CDH13: variants seen among roughly 807,000 people sequenced by gnomAD.
CDH13 encodes the protein cadherin-13.
Under a neutral mutation model 63.8 loss-of-function variants are expected in CDH13, and 24 were observed. The observed-to-expected ratio is 0.38, with a 90% CI of 0.27 to 0.53. The LOEUF (loss-of-function observed/expected upper bound fraction) is 0.53. Among genes scored for constraint, CDH13 ranks in the 20% least tolerant of loss-of-function variants. The pLI is 0.85. For synonymous variants in CDH13, 503 were observed against 355.3 expected, an observed-to-expected ratio of 1.42 and a Z score of -4.67; for missense variants, 1,049 against 903.1, an observed-to-expected ratio of 1.16 and a Z score of -2.07.
chr16:83,286,712 T>C (rs1276025151), intron 5 of CDH13, among the ~76,000 whole-genome samples: 1 of 149,422 alleles, frequency 6.7e-6, no homozygotes, highest in Non-Finnish European at 1.5e-5. Flanking sequence ...ACCAAGATGG[T>C]ACTACTGTAT....
At chr16:83,270,737 G>A (rs930443913) in intron 5 of CDH13, among the ~76,000 whole-genome samples, 10 of 152,058 alleles carry the variant, frequency 6.6e-5, no homozygotes, top group Non-Finnish European at 1.0e-4. Context: ...CCTCCCAGAC[G>A]TGTTTTCTCA....
At position 83,516,542 on chromosome 16, in the gene CDH13, T is replaced by C. The variant is rs1314303472; in HGVS notation, c.960+29887T>C. ...CTCTACAGTATGACTTATAGACTGC[T>C]TCAAAGGAGAGGTGTCTTCTCTTCC... is the stretch of plus-strand genomic sequence containing the variant. On this transcript the variant is annotated intron_variant, in intron 7 of 13. Coordinates refer to ENST00000567109, the MANE Select transcript of CDH13 (RefSeq NM_001257.5). Among the ~76,000 whole-genome samples the C allele has an allele frequency of 2.0e-5, 3 of 152,204 alleles. No individual in the cohort carries two copies. In the East Asian group the frequency reaches 5.8e-4, roughly 29 times the overall value.
chr16:82,897,734 G>T (rs552239633), intron 2 of CDH13, among the ~76,000 whole-genome samples: 1 of 152,258 alleles, frequency 6.6e-6, no homozygotes, highest in African/African-American at 2.4e-5. Context: ...ACTCTGCCCT[G>T]CTGAGTAGAG....
chr16:83,258,892 T>G (rs1906623812), intron 5 of CDH13, among the ~76,000 whole-genome samples: 1 of 152,228 alleles, frequency 6.6e-6, no homozygotes, highest in Non-Finnish European at 1.5e-5. Context: ...TCTGAAGGAT[T>G]CATTCCACAT....
intron 5 of CDH13, among the ~76,000 whole-genome samples, chr16:83,221,905 A>G (rs142385263): frequency 7.9e-5 from 12 of 152,330 alleles, no homozygotes; most frequent in African/African-American, 2.9e-4. Flanking sequence ...TAGATCCCTG[A>G]CATACACAGA....
intron 7 of CDH13, among the ~76,000 whole-genome samples, chr16:83,517,011 A>C (rs1037723419): frequency 4.6e-5 from 7 of 152,166 alleles, no homozygotes; most frequent in African/African-American, 1.7e-4. Flanking sequence ...GTAGTTAAAA[A>C]CTGAAAAAAG....
At chr16:83,781,621 C>T (rs1442013215) in intron 12 of CDH13, among the ~76,000 whole-genome samples, 1 of 151,886 alleles carries the variant, frequency 6.6e-6, no homozygotes, top group African/African-American at 2.4e-5. Context: ...ATAATGAATT[C>T]TGTTATACTG....
intron 5 of CDH13, among the ~76,000 whole-genome samples, chr16:83,246,763 T>C (rs947026076): frequency 8.5e-5 from 13 of 152,202 alleles, no homozygotes; most frequent in African/African-American, 2.9e-4. Context: ...AATCACTTCC[T>C]TGCTGAAACC....
chr16:83,605,589 A>G (rs1054945849), intron 8 of CDH13, among the ~76,000 whole-genome samples: 18 of 152,164 alleles, frequency 1.2e-4, no homozygotes, highest in African/African-American at 4.3e-4. Context: ...TAATGACTAA[A>G]AGAACCTAGA....
intron 1 of CDH13, among the ~76,000 whole-genome samples, chr16:82,856,247 G>A (rs2039680748): frequency 1.3e-5 from 2 of 151,686 alleles, no homozygotes; most frequent in African/African-American, 4.8e-5. Flanking sequence ...ATGGTGGCGG[G>A]CGCCTGTAGT....
chr16:83,260,547 C>T (rs1355221323), intron 5 of CDH13, among the ~76,000 whole-genome samples: 2 of 152,190 alleles, frequency 1.3e-5, no homozygotes, highest in East Asian at 3.9e-4. Flanking sequence ...CAACTCTGTG[C>T]ATCGGAATCA....
At chr16:83,048,166 G>A (rs144986720) in intron 3 of CDH13, among the ~76,000 whole-genome samples, 73 of 152,268 alleles carry the variant, frequency 4.8e-4, no homozygotes, top group African/African-American at 1.7e-3. Flanking sequence ...TTTCATCTCA[G>A]TGATGGAGAC....
chr16:83,532,284 T>A (rs2075099169), intron 7 of CDH13, among the ~76,000 whole-genome samples: 1 of 152,156 alleles, frequency 6.6e-6, no homozygotes, highest in Non-Finnish European at 1.5e-5. Flanking sequence ...AGTGTAGAAG[T>A]CACTCCTCAA....
At chr16:83,591,378 T>C (rs762428615) in intron 7 of CDH13, among the ~76,000 whole-genome samples, 1 of 152,244 alleles carries the variant, frequency 6.6e-6, no homozygotes, top group Non-Finnish European at 1.5e-5. Flanking sequence ...TGTTACAATC[T>C]GTACTTCCTT....
Position 83,280,913 on chromosome 16 carries a change from C to G in CDH13, c.636+63416C>G, listed in dbSNP as rs149467837. 1.7e-3 allele frequency among the ~76,000 whole-genome samples: 252 copies of G among 152,270 alleles called. 1 individual carries two copies. The highest frequency in any genetic ancestry group is 5.7e-3 in the African/African-American group (237 of 41,560). On this transcript the variant is annotated intron_variant, in intron 5 of 13. Coordinates refer to ENST00000567109, the MANE Select transcript of CDH13 (RefSeq NM_001257.5). ...GAGCAGTAAGTCTGAGCAGTGGGCT[C>G]AAAATATTCAGTAAACTATGGTGTT... is the stretch of plus-strand genomic sequence containing the variant.
At chr16:83,322,838 A>T (rs17210298) in intron 5 of CDH13, among the ~76,000 whole-genome samples, 1 of 152,144 alleles carries the variant, frequency 6.6e-6, no homozygotes, top group African/African-American at 2.4e-5. Flanking sequence ...GTTCACAACA[A>T]TGATTCCAAG....
At chr16:82,731,696 GA>G (rs1194603542) in intron 1 of CDH13, among the ~76,000 whole-genome samples, 2 of 152,106 alleles carry the variant, frequency 1.3e-5, no homozygotes, top group Admixed American at 6.5e-5. Context: ...TAAGAGTTTG[GA>G]AAAAAATCAA....
intron 7 of CDH13, among the ~76,000 whole-genome samples, chr16:83,565,383 C>CTTTTTTTTTTTT (rs369127310): frequency 2.3e-5 from 3 of 130,608 alleles, no homozygotes; most frequent in Non-Finnish European, 3.1e-5. Context: ...TTCCACTGTT[C>CTTTTTTTTTTTT]TTTTTTTTTT....
intron 4 of CDH13, among the ~76,000 whole-genome samples, chr16:83,144,256 G>T (rs1204912993): frequency 2.6e-5 from 4 of 152,106 alleles, no homozygotes; most frequent in Non-Finnish European, 5.9e-5. Context: ...GATAGTCAAG[G>T]CACCTTTTGT....
Sources: gnomAD v4.1 joint callset for allele counts (sites outside exome capture counted in the v4.1 genomes callset) on GRCh38, gnomAD v4.1.1 for gene constraint, MANE v1.5 for transcripts, NCBI Gene and HGNC (gene_info 2026-07-23, HGNC 2026-07-21) for gene names.